The following NBEA variants were observed in gnomAD, a reference collection of about 807,000 sequenced individuals.
NBEA encodes the protein neurobeachin, also known as lysosomal-trafficking regulator 2.
Under a neutral mutation model 343.4 loss-of-function variants are expected in NBEA, and 44 were observed. The ratio of observed to expected loss-of-function variants is 0.13; its 90% confidence interval spans 0.10 to 0.16. The LOEUF is 0.16. Ranked by LOEUF, NBEA falls within the 10% of genes least tolerant of loss-of-function variation. The probability of loss-of-function intolerance (pLI) is 1.00; values close to 1 mark genes in which losing one functional copy is unlikely to be tolerated. For missense variants in NBEA, 2,555 were observed against 3,631.3 expected (o/e 0.70, Z 7.62); for synonymous variants, 1,175 against 1,238.7 (o/e 0.95, Z 1.08).
intron 1 of NBEA, among the ~76,000 whole-genome samples, chr13:34,954,810 G>C (rs2059444186): frequency 6.6e-6 from 1 of 152,070 alleles, no homozygotes; most frequent in African/African-American, 2.4e-5. Context: ...AGTGTTGAGG[G>C]AAGTGACAAG....
chr13:35,056,666 G>A (rs1016809352), intron 7 of NBEA, among the ~76,000 whole-genome samples: 2 of 152,074 alleles, frequency 1.3e-5, no homozygotes, highest in Non-Finnish European at 2.9e-5. Flanking sequence ...GGCAGAATAG[G>A]AAAGTTCAAG....
chr13:34,971,741 T>A (rs1336748182), intron 1 of NBEA, among the ~76,000 whole-genome samples: 1 of 152,168 alleles, frequency 6.6e-6, no homozygotes, highest in African/African-American at 2.4e-5. Flanking sequence ...GATGTGCTGC[T>A]GGATTCAGTT....
chr13:35,222,502 C>A (rs1244981140), intron 33 of NBEA, among the ~76,000 whole-genome samples: 4 of 151,944 alleles, frequency 2.6e-5, no homozygotes, highest in African/African-American at 9.7e-5. Context: ...TTGTTACTTT[C>A]CATCTGTACT....
At chr13:35,616,063 G>A (rs1448978910) in intron 48 of NBEA, among the ~76,000 whole-genome samples, 3 of 152,112 alleles carry the variant, frequency 2.0e-5, no homozygotes, top group Admixed American at 1.3e-4. Flanking sequence ...TCTAAGCTTT[G>A]TAGTCATGGG....
intron 10 of NBEA, among the ~76,000 whole-genome samples, chr13:35,086,773 A>G (rs1215542699): frequency 1.3e-5 from 2 of 151,850 alleles, no homozygotes; most frequent in Admixed American, 1.3e-4. Flanking sequence ...ACAGTGTGCA[A>G]AAGTTCCATT....
intron 34 of NBEA, among the ~76,000 whole-genome samples, chr13:35,272,122 C>T (rs1329608926): frequency 2.6e-5 from 4 of 152,134 alleles, no homozygotes; most frequent in African/African-American, 9.7e-5. Context: ...TTGGGTTACC[C>T]ACAAAGGGAA....
At chr13:35,225,799 C>G (rs1468282052) in intron 33 of NBEA, among the ~76,000 whole-genome samples, 1 of 152,096 alleles carries the variant, frequency 6.6e-6, no homozygotes, top group Non-Finnish European at 1.5e-5. Context: ...TTCCTATCCT[C>G]AGATTTCAAG....
intron 1 of NBEA, among the ~76,000 whole-genome samples, chr13:35,015,713 G>A (rs2061635069): frequency 6.6e-6 from 1 of 151,870 alleles, no homozygotes; most frequent in South Asian, 2.1e-4. Flanking sequence ...AAATATTTTA[G>A]TATATATTTA....
At chr13:35,507,484 C>T (rs772146626) in intron 41 of NBEA, among the ~76,000 whole-genome samples, 2 of 152,054 alleles carry the variant, frequency 1.3e-5, no homozygotes, top group Non-Finnish European at 2.9e-5. Context: ...ATAAACCAAA[C>T]TTACTTTGTC....
At chr13:35,266,060 G>A (rs2033646016) in intron 34 of NBEA, among the ~76,000 whole-genome samples, 1 of 151,962 alleles carries the variant, frequency 6.6e-6, no homozygotes, top group African/African-American at 2.4e-5. Flanking sequence ...TTTCTCAAAA[G>A]AAGAAATACA....
At chr13:35,115,089 A>C (rs2066428935) in intron 13 of NBEA, among the ~76,000 whole-genome samples, 1 of 152,106 alleles carries the variant, frequency 6.6e-6, no homozygotes, top group Admixed American at 6.5e-5. Flanking sequence ...AAAATATTAT[A>C]GGTCAGGTAA....
At chr13:35,403,192 A>T (rs1352118430) in intron 38 of NBEA, among the ~76,000 whole-genome samples, 2 of 151,576 alleles carry the variant, frequency 1.3e-5, no homozygotes, top group African/African-American at 2.4e-5. Flanking sequence ...AAATTAATTA[A>T]AATAAATTAC....
At chr13:35,262,274 T>G (rs1801806587) in intron 34 of NBEA, among the ~76,000 whole-genome samples, 2 of 152,234 alleles carry the variant, frequency 1.3e-5, no homozygotes, top group Non-Finnish European at 2.9e-5. Context: ...TTTGGAAGTT[T>G]CTTATTTAGT....
chr13:35,307,272 T>C (rs552231838), intron 35 of NBEA, among the ~76,000 whole-genome samples: 2 of 152,100 alleles, frequency 1.3e-5, no homozygotes, highest in East Asian at 1.9e-4. Flanking sequence ...AACAACAATA[T>C]CCTACAATTT....
intron 43 of NBEA, among the ~76,000 whole-genome samples, chr13:35,554,316 C>G (rs1479265593): frequency 6.6e-6 from 1 of 152,136 alleles, no homozygotes; most frequent in Admixed American, 6.5e-5. Context: ...TTTAAAAACC[C>G]AGTAGCTTTA....
intron 11 of NBEA, among the ~76,000 whole-genome samples, chr13:35,104,178 T>C (rs760943047): frequency 2.0e-5 from 3 of 151,948 alleles, no homozygotes; most frequent in Non-Finnish European, 4.4e-5. Flanking sequence ...TTTCTTCAGA[T>C]ACTCACAGAC....
At chr13:35,022,569 T>G (rs1396920638) in intron 1 of NBEA, among the ~76,000 whole-genome samples, 2 of 152,152 alleles carry the variant, frequency 1.3e-5, no homozygotes, top group African/African-American at 4.8e-5. Flanking sequence ...TGTTATTTAC[T>G]AAACAATTAT....
chr13:35,548,698 C>CA lies in NBEA; in HGVS notation c.6586-1771dup, dbSNP rs34239045. Among the ~76,000 whole-genome samples the CA allele has an allele frequency of 2.4e-3, 358 of 150,942 alleles. 3 individuals are homozygous for CA. Among genetic ancestry groups the CA allele is most frequent in the Admixed American group, 5.6e-3 (85 of 15,188 alleles). On this transcript the variant is annotated intron_variant, in intron 41 of 58. Transcript: ENST00000379939. ...TTGTCTTAAAATGTTTCCTACTTGA[C>CA]AAAAAAAAGAGAATTAATCCTGTAT...
chr13:35,551,229 T>C (rs1244215315), intron 43 of NBEA, among the ~76,000 whole-genome samples, 197 bp downstream of exon 43: 1 of 152,198 alleles, frequency 6.6e-6, no homozygotes, highest in Admixed American at 6.5e-5. Context: ...GGCAGATTTT[T>C]ATTTAATACA....
Sources: allele counts gnomAD v4.1 joint callset (sites outside exome capture counted in the v4.1 genomes callset), GRCh38; gene constraint gnomAD v4.1.1; transcripts MANE v1.5; gene names NCBI Gene and HGNC (gene_info 2026-07-23, HGNC 2026-07-21).